The following PI4KA variants were observed in gnomAD, a reference collection of about 807,000 sequenced individuals.
PI4KA encodes PI4-kinase alpha.
A neutral mutation model predicts 271.4 loss-of-function variants in PI4KA; 122 were observed. That is an observed-to-expected ratio of 0.45 (90% CI 0.39 to 0.52). The LOEUF (loss-of-function observed/expected upper bound fraction) is 0.52. Ranked by LOEUF, PI4KA falls within the 20% of genes least tolerant of loss-of-function variation. The pLI, the probability that PI4KA is intolerant of heterozygous loss-of-function variation, is 0.00. For synonymous variants in PI4KA, 1,041 were observed against 1,078.8 expected, an observed-to-expected ratio of 0.96 and a Z score of 0.69; for missense variants, 1,969 against 2,769.1, an observed-to-expected ratio of 0.71 and a Z score of 6.48.
chr22:20,796,556 G>T (rs943563279), intron 17 of PI4KA, among the ~76,000 whole-genome samples: 2 of 152,238 alleles, frequency 1.3e-5, no homozygotes, highest in Admixed American at 6.5e-5. Flanking sequence ...CTGAAATGTA[G>T]TAAGGACCTC....
chr22:20,821,245 T>G (rs1922616925), intron 4 of PI4KA, among the ~76,000 whole-genome samples: 1 of 152,222 alleles, frequency 6.6e-6, no homozygotes, highest in Non-Finnish European at 1.5e-5. Flanking sequence ...TGAGACGAAG[T>G]TTCGCTCTTG....
At position 20,805,099 on chromosome 22, in the gene PI4KA, C is replaced by T; in HGVS notation, c.1235G>A (p.Gly412Glu). ...GTCATGTAGAATCTTCTGGAGCTCC[C>T]CCTGGCTCGTGTTGAACTGCTCCAG... ...FVLEQFNTSQ[G>E]ELQKILHDAD... The change falls in exon 11 of 55, where the codon GGG becomes GAG. Residue 412 changes from glycine (G) to glutamate (E), a missense_variant. By Grantham distance (98) the Gly-to-Glu change is moderately conservative (BLOSUM62 -2). Coordinates refer to ENST00000255882, the MANE Select transcript of PI4KA (RefSeq NM_058004.4). 6.2e-7 allele frequency: 1 copy of T among 1,614,126 alleles called. No homozygotes were observed. Among genetic ancestry groups the T allele is most frequent in the Non-Finnish European group, 8.5e-7 (1 of 1,179,960 alleles).
At chr22:20,779,475 C>T in intron 19 of PI4KA, 1 of 1,614,180 alleles carries the variant, frequency 6.2e-7, no homozygotes, top group Non-Finnish European at 8.5e-7. Flanking sequence ...CATGCCTCTT[C>T]TCCCTGCCGA....
At chr22:20,731,158 G>A (rs976971316) in intron 36 of PI4KA, among the ~76,000 whole-genome samples, 2 of 152,088 alleles carry the variant, frequency 1.3e-5, no homozygotes, top group Non-Finnish European at 2.9e-5. Context: ...TAGCCTGCGC[G>A]ACAGAATGAG....
At chr22:20,714,269 G>A (rs1334157580) in intron 47 of PI4KA, among the ~76,000 whole-genome samples, 189 bp downstream of exon 47, 3 of 152,146 alleles carry the variant, frequency 2.0e-5, no homozygotes, top group Non-Finnish European at 2.9e-5. Context: ...CCTCTGGGGT[G>A]GCACATCTGT....
intron 12 of PI4KA, 48 bp from the exon 13 acceptor site, chr22:20,803,368 C>A: frequency 6.2e-7 from 1 of 1,611,804 alleles, no homozygotes. Flanking sequence ...ATGGGACCAT[C>A]TGAGTAGGCC....
rs1417331018 is a variant in PI4KA at position 20,801,938 on chromosome 22, A to G, written c.1724+35T>C. Reference sequence around the variant, plus strand: ...TTGTAATAACCCGCTTGTCTGGAGCACTGCTGTCTACTCGCCACTTGCCCA... The same window carrying G: ...TTGTAATAACCCGCTTGTCTGGAGCGCTGCTGTCTACTCGCCACTTGCCCA... On this transcript the variant is annotated intron_variant, in intron 14 of 54. Coordinates refer to ENST00000255882, the MANE Select transcript of PI4KA (RefSeq NM_058004.4). The G allele has an allele frequency of 8.7e-6, 14 of 1,608,440 alleles. No homozygotes were observed. In the Admixed American group the frequency reaches 2.4e-4, roughly 27 times the overall value.
chr22:20,856,543 T>G (rs926131590), intron 1 of PI4KA, among the ~76,000 whole-genome samples: 2 of 151,512 alleles, frequency 1.3e-5, no homozygotes, highest in African/African-American at 4.9e-5. Flanking sequence ...CAAGCGATTC[T>G]CCTGCCTCAG....
intron 43 of PI4KA, among the ~76,000 whole-genome samples, chr22:20,720,166 CCCA>C (rs746602108): frequency 1.3e-5 from 2 of 152,022 alleles, no homozygotes; most frequent in Non-Finnish European, 2.9e-5. Context: ...TTTACAAATG[CCCA>C]CCGTTTGATG....
chr22:20,780,158 C>T, intron 19 of PI4KA: 2 of 1,614,196 alleles, frequency 1.2e-6, no homozygotes, highest in Non-Finnish European at 1.7e-6. Context: ...AGAATATAGA[C>T]CCTGCTACCC....
At chr22:20,787,284 G>A (rs777601746) in intron 19 of PI4KA, 26 of 585,526 alleles carry the variant, frequency 4.4e-5, no homozygotes, top group Non-Finnish European at 7.0e-5. Context: ...AGAAGTCACT[G>A]TAACTGTAGT....
intron 45 of PI4KA, 95 bp downstream of exon 45, chr22:20,717,613 C>T (rs1276625040): frequency 1.7e-6 from 2 of 1,149,668 alleles, no homozygotes; most frequent in Admixed American, 2.0e-5. Flanking sequence ...ACTGTGTCCA[C>T]ATCCTGCAGT....
In PI4KA at chr22:20,819,751, G is replaced by C. The variant is rs779819876; in HGVS notation, c.679C>G (p.Arg227Gly). The C allele has an allele frequency of 6.2e-7, 1 of 1,614,068 alleles. No individual in the cohort carries two copies. Among genetic ancestry groups the C allele is most frequent in the African/African-American group, 1.3e-5 (1 of 74,986 alleles). ...LRVLEELEGVRRRSFNDFRSI... is the reference protein window; with the variant it reads ...LRVLEELEGVGRRSFNDFRSI... Reference sequence around the variant, plus strand: ...CGGAAGTCATTAAAGGAACGCCTTCGAACACCTTCAAGCTCTTCCAGGACA... The same window carrying C: ...CGGAAGTCATTAAAGGAACGCCTTCCAACACCTTCAAGCTCTTCCAGGACA... Residue 227 changes from arginine (R) to glycine (G), a missense_variant, in exon 6 of 55, where the codon CGA becomes GGA. Physicochemically the swap from Arg to Gly is moderately radical, Grantham distance 125. Transcript: ENST00000255882.
At chr22:20,748,685 G>A (rs738057) in intron 28 of PI4KA, among the ~76,000 whole-genome samples, 57,828 of 152,108 alleles carry the variant, frequency 0.38, 11,503 homozygotes, top group African/African-American at 0.48. Context: ...TATACATGCA[G>A]AATTGTCTCA....
intron 54 of PI4KA, among the ~76,000 whole-genome samples, chr22:20,708,559 G>A (rs1362073601): frequency 2.1e-5 from 3 of 140,918 alleles, no homozygotes; most frequent in Admixed American, 1.4e-4. Flanking sequence ...CCACCTGGGG[G>A]CAGGTCTCAG....
intron 1 of PI4KA, among the ~76,000 whole-genome samples, chr22:20,851,631 CCCGG>C (rs1270569574): frequency 1.3e-5 from 2 of 152,184 alleles, no homozygotes; most frequent in Non-Finnish European, 2.9e-5. Flanking sequence ...AGCCACTGTG[CCCGG>C]CTGCGTTGGT....
At chr22:20,811,404 A>G (rs1920992634) in intron 8 of PI4KA, among the ~76,000 whole-genome samples, 2 of 152,084 alleles carry the variant, frequency 1.3e-5, no homozygotes, top group Admixed American at 1.3e-4. Context: ...CCCCTCCCAG[A>G]CATCAAGGAC....
At chr22:20,786,246 T>A in intron 19 of PI4KA, 2 of 1,350,302 alleles carry the variant, frequency 1.5e-6, no homozygotes, top group Non-Finnish European at 2.1e-6. Flanking sequence ...CAATCTCATG[T>A]CCCAGCTTGG....
intron 17 of PI4KA, among the ~76,000 whole-genome samples, chr22:20,796,978 G>A (rs779105895): frequency 2.0e-5 from 3 of 152,190 alleles, no homozygotes; most frequent in East Asian, 1.9e-4. Context: ...CAAGCGGCAC[G>A]ACCCTGGGTA....
Sources: allele counts gnomAD v4.1 joint callset (sites outside exome capture counted in the v4.1 genomes callset), GRCh38; gene constraint gnomAD v4.1.1; transcripts MANE v1.5; gene names NCBI Gene and HGNC (gene_info 2026-07-23, HGNC 2026-07-21).